The following FAM219A variants were observed in gnomAD, a reference collection of about 807,000 sequenced individuals.
FAM219A encodes protein FAM219A.
In FAM219A, 7 loss-of-function variants were observed where a neutral mutation model predicts 23.4. The ratio of observed to expected loss-of-function variants is 0.30; its 90% CI spans 0.17 to 0.56. The LOEUF (loss-of-function observed/expected upper bound fraction) is 0.56, where lower values mean the gene tolerates loss of function less well. FAM219A is among the 20% of genes least tolerant of loss of function. The pLI, the probability that FAM219A is intolerant of heterozygous loss-of-function variation, is 0.92. For missense variants in FAM219A, 166 were observed against 246.9 expected (o/e 0.67, Z 2.20); for synonymous variants, 93 against 99.0 (o/e 0.94, Z 0.36).
intron 1 of FAM219A, among the ~76,000 whole-genome samples, chr9:34,437,399 C>G (rs946181143): frequency 6.6e-6 from 1 of 152,188 alleles, no homozygotes; most frequent in African/African-American, 2.4e-5. Context: ...TGAATTCCAT[C>G]CCCAGTGTCC....
intron 1 of FAM219A, among the ~76,000 whole-genome samples, chr9:34,412,756 T>C (rs1195912666): frequency 6.6e-6 from 1 of 152,146 alleles, no homozygotes; most frequent in Non-Finnish European, 1.5e-5. Flanking sequence ...CAGTGTCAAA[T>C]AAGCAGGTGG....
intron 1 of FAM219A, among the ~76,000 whole-genome samples, chr9:34,434,652 A>G (rs1774928230): frequency 6.6e-6 from 1 of 152,214 alleles, no homozygotes; most frequent in Non-Finnish European, 1.5e-5. Flanking sequence ...AAAGAGAACC[A>G]TCCAGAACAT....
intron 1 of FAM219A, among the ~76,000 whole-genome samples, chr9:34,448,038 C>G (rs10972120): frequency 0.021 from 3,163 of 152,100 alleles, 92 homozygotes; most frequent in East Asian, 0.12. Context: ...TGCCTGGCTA[C>G]TTTTTAATTT....
intron 1 of FAM219A, among the ~76,000 whole-genome samples, chr9:34,409,187 A>C (rs979218730): frequency 6.6e-6 from 1 of 152,198 alleles, no homozygotes; most frequent in African/African-American, 2.4e-5. Context: ...CTCCATCACT[A>C]TCCATGACAG....
chr9:34,427,690 G>C (rs1822537008), intron 1 of FAM219A, among the ~76,000 whole-genome samples: 1 of 152,150 alleles, frequency 6.6e-6, no homozygotes, highest in African/African-American at 2.4e-5. Context: ...ATAACAGAGA[G>C]GTGGCAAACA....
chr9:34,457,971 C>G lies in FAM219A; in HGVS notation c.60+233G>C, dbSNP rs569481521. 1.3e-5 allele frequency among the ~76,000 whole-genome samples: 2 copies of G among 152,334 alleles called. No homozygotes were observed. Among genetic ancestry groups the G allele is most frequent in the African/African-American group, 4.8e-5 (2 of 41,576 alleles). On this transcript the variant is annotated intron_variant, in intron 1 of 5. Coordinates refer to ENST00000651358, the MANE Select transcript of FAM219A (RefSeq NM_001184940.2). This position sits in a 1 kb window ranked among gnomAD's most constrained non-coding sequence, Gnocchi z 5.1. ...CCCCCTCCGTTCCATCCGACGGTGCCCTGCTTCCACCGACGGTGCCCTCCG... is the reference window on the plus strand; with the variant it reads ...CCCCCTCCGTTCCATCCGACGGTGCGCTGCTTCCACCGACGGTGCCCTCCG...
intron 1 of FAM219A, among the ~76,000 whole-genome samples, chr9:34,431,875 T>A (rs1378344988): frequency 6.6e-6 from 1 of 152,220 alleles, no homozygotes; most frequent in Admixed American, 6.5e-5. Context: ...CTTGGGTGTA[T>A]GTGCATGTGC....
rs1481326822 is a variant in FAM219A at position 34,436,054 on chromosome 9, C to T, written c.60+22150G>A. Among the ~76,000 whole-genome samples, 3 of 152,156 alleles carry T rather than the reference C, an allele frequency of 2.0e-5. No homozygotes were observed. The East Asian group carries it at 5.8e-4, about 29-fold the overall frequency. ...TCCTGACCTCAGGTGATCTACCTGC[C>T]TTGGCCTCCCAATGTGCTGGGATTA... On this transcript the variant is annotated intron_variant, in intron 1 of 5. Transcript: ENST00000651358.
chr9:34,402,132 A>T, intron 4 of FAM219A: 1 of 1,438,678 alleles, frequency 7.0e-7, no homozygotes, highest in Non-Finnish European at 9.1e-7. Context: ...CAGGCCAATT[A>T]GGGACAACCA....
chr9:34,427,048 C>T (rs10972108), intron 1 of FAM219A, among the ~76,000 whole-genome samples: 1 of 152,108 alleles, frequency 6.6e-6, no homozygotes, highest in Admixed American at 6.6e-5. Context: ...TGCCACTCTT[C>T]CCCAGGCTTA....
chr9:34,425,825 G>T (rs934429198), intron 1 of FAM219A, among the ~76,000 whole-genome samples: 1 of 152,192 alleles, frequency 6.6e-6, no homozygotes, highest in African/African-American at 2.4e-5. Flanking sequence ...TTCTGGGAAA[G>T]AACAGCCTGT....
intron 1 of FAM219A, among the ~76,000 whole-genome samples, chr9:34,418,700 A>G (rs533624902): frequency 6.6e-6 from 1 of 152,280 alleles, no homozygotes; most frequent in South Asian, 2.1e-4. Context: ...CCCCATTTCA[A>G]TCTCTTTAGG....
chr9:34,404,050 A>G (rs1244583946), intron 2 of FAM219A, among the ~76,000 whole-genome samples: 1 of 152,178 alleles, frequency 6.6e-6, no homozygotes, highest in Admixed American at 6.5e-5. Context: ...AATTTTCATG[A>G]GGAGCTTTGA....
Position 34,399,665 on chromosome 9 carries a change from T to G in FAM219A, c.*1299A>C, listed in dbSNP as rs1283076985. ...ACCACAGAAATTTCTATGAAGAAAC[T>G]CTTTCAGGTATAAAAGGATCTTCAA... On this transcript the variant is annotated 3_prime_UTR_variant, in exon 6 of 6. Transcript: ENST00000651358. 6.6e-6 allele frequency: 1 copy of G among 152,002 alleles called. No homozygotes were observed. Among genetic ancestry groups the G allele is most frequent in the Non-Finnish European group, 1.5e-5 (1 of 68,008 alleles). 9.4% of individuals were successfully genotyped at this position (152,002 alleles called of 1,614,324 possible).
intron 1 of FAM219A, among the ~76,000 whole-genome samples, chr9:34,422,932 G>A (rs1588049673): frequency 2.0e-5 from 3 of 152,118 alleles, no homozygotes; most frequent in South Asian, 2.1e-4. Flanking sequence ...TTGGAAGGCC[G>A]AAGTGGAAGG....
At chr9:34,426,984 G>A (rs10972107) in intron 1 of FAM219A, among the ~76,000 whole-genome samples, 3,111 of 151,836 alleles carry the variant, frequency 0.02, 89 homozygotes, top group East Asian at 0.12. Flanking sequence ...GGCTAAGAAT[G>A]ATGGCAAAGG....
intron 1 of FAM219A, among the ~76,000 whole-genome samples, chr9:34,453,592 G>A (rs10972123): frequency 0.18 from 27,545 of 152,098 alleles, 2,717 homozygotes; most frequent in East Asian, 0.33. Context: ...TACCTGATCT[G>A]AGTAGATGCT....
At chr9:34,444,856 A>G (rs571286320) in intron 1 of FAM219A, among the ~76,000 whole-genome samples, 2 of 152,286 alleles carry the variant, frequency 1.3e-5, no homozygotes, top group South Asian at 4.1e-4. Context: ...TGCCTTTTCT[A>G]TCACTTGTCA....
intron 1 of FAM219A, among the ~76,000 whole-genome samples, chr9:34,422,058 G>A (rs944054875): frequency 2.0e-5 from 3 of 152,128 alleles, no homozygotes; most frequent in Non-Finnish European, 2.9e-5. Flanking sequence ...AGTGGCAAGA[G>A]GGAACAATAG....
Sources: gnomAD v4.1 joint callset for allele counts (sites outside exome capture counted in the v4.1 genomes callset) on GRCh38, gnomAD v4.1.1 for gene constraint, Gnocchi (gnomAD v3.1) non-coding constraint, MANE v1.5 for transcripts, NCBI Gene and HGNC (gene_info 2026-07-23, HGNC 2026-07-21) for gene names.